LRRC37A2: variants seen among roughly 807,000 people sequenced by gnomAD.
LRRC37A2 encodes leucine-rich repeat-containing protein 37A2.
In LRRC37A2, 9 loss-of-function variants were observed where a neutral mutation model predicts 68.8. The ratio of observed to expected loss-of-function variants is 0.13; its 90% confidence interval spans 0.08 to 0.23. The LOEUF (loss-of-function observed/expected upper bound fraction) is 0.23. Among genes scored for constraint, LRRC37A2 ranks in the 10% least tolerant of loss-of-function variants. The probability of loss-of-function intolerance (pLI) is 1.00; values close to 1 mark genes in which losing one functional copy is unlikely to be tolerated. For missense variants in LRRC37A2, 168 were observed against 950.4 expected, an observed-to-expected ratio of 0.18 and a Z score of 10.82; for synonymous variants, 63 against 367.6, an observed-to-expected ratio of 0.17 and a Z score of 9.48.
the LRRC37A2 span, among the ~76,000 whole-genome samples, chr17:46,880,051 CT>C: frequency 6.6e-6 from 1 of 152,210 alleles, no homozygotes; most frequent in East Asian, 1.9e-4. Flanking sequence ...GGATTTCTGG[CT>C]GCTTTTGCAA....
At chr17:46,746,984 C>T in the LRRC37A2 span, among the ~76,000 whole-genome samples, 4 of 152,102 alleles carry the variant, frequency 2.6e-5, no homozygotes, top group African/African-American at 9.7e-5. Flanking sequence ...ATGCTGGCAA[C>T]GAGGCTTTAT....
the LRRC37A2 span, chr17:46,923,241 C>A: frequency 6.4e-7 from 1 of 1,550,574 alleles, no homozygotes; most frequent in East Asian, 2.4e-5. Context: ...GGTCGGGGAG[C>A]GGGCAGGGGC....
chr17:46,976,153 C>T, the LRRC37A2 span, among the ~76,000 whole-genome samples: 1 of 151,756 alleles, frequency 6.6e-6, no homozygotes, highest in African/African-American at 2.4e-5. Flanking sequence ...GTCTCGATCT[C>T]CTGATCTCGT....
At chr17:46,795,084 A>T in the LRRC37A2 span, among the ~76,000 whole-genome samples, 1 of 152,120 alleles carries the variant, frequency 6.6e-6, no homozygotes, top group Admixed American at 6.5e-5. Flanking sequence ...CCTGGTGGGA[A>T]TTCTTACCTG....
the LRRC37A2 span, among the ~76,000 whole-genome samples, chr17:46,733,953 T>G: frequency 6.6e-6 from 1 of 152,214 alleles, no homozygotes; most frequent in African/African-American, 2.4e-5. Context: ...TTGGAGGACC[T>G]AAGGTGTGGA....
the LRRC37A2 span, chr17:46,762,671 T>C: frequency 2.0e-5 from 3 of 151,822 alleles, no homozygotes; most frequent in East Asian, 5.8e-4. Context: ...ACTTTTTGAA[T>C]ATAAAATCAA....
chr17:46,762,260 AGTT>A, the LRRC37A2 span, among the ~76,000 whole-genome samples: 14 of 152,236 alleles, frequency 9.2e-5, no homozygotes, highest in East Asian at 1.9e-3. Context: ...TTAGTACACA[AGTT>A]GTTGTTTTCT....
At chr17:46,851,425 C>A in the LRRC37A2 span, among the ~76,000 whole-genome samples, 1 of 148,004 alleles carries the variant, frequency 6.8e-6, no homozygotes, top group Non-Finnish European at 1.5e-5. The surrounding 1 kb of genome is among the most constrained non-coding windows in gnomAD (Gnocchi z 4.3). Context: ...GGTCCAGGGG[C>A]GGCTGCCCCA....
At chr17:46,824,347 C>A in the LRRC37A2 span, among the ~76,000 whole-genome samples, 1 of 152,184 alleles carries the variant, frequency 6.6e-6, no homozygotes, top group African/African-American at 2.4e-5. Flanking sequence ...CTCCTGGGTT[C>A]AAGTGATTCT....
At chr17:46,866,554 G>A in the LRRC37A2 span, among the ~76,000 whole-genome samples, 11 of 152,152 alleles carry the variant, frequency 7.2e-5, no homozygotes, top group African/African-American at 2.2e-4. Context: ...CACAAAGGGC[G>A]CACTCACCAT....
the LRRC37A2 span, among the ~76,000 whole-genome samples, chr17:46,869,797 G>A: frequency 6.6e-6 from 1 of 152,056 alleles, no homozygotes; most frequent in Non-Finnish European, 1.5e-5. Flanking sequence ...TCAGGAGTTC[G>A]AAACCAGCCT....
the LRRC37A2 span, among the ~76,000 whole-genome samples, chr17:46,962,328 CAA>C: frequency 2.9e-5 from 4 of 139,346 alleles, no homozygotes; most frequent in Admixed American, 7.2e-5. Context: ...GACTCCATCT[CAA>C]AAAAAAAAAA....
At chr17:46,640,473 GGC>G in the LRRC37A2 span, among the ~76,000 whole-genome samples, 13 of 89,430 alleles carry the variant, frequency 1.5e-4, 2 homozygotes, top group African/African-American at 5.3e-4. Flanking sequence ...ATGGAAATAA[GGC>G]ATGTAAGAAT....
chr17:46,866,272 A>T, the LRRC37A2 span, among the ~76,000 whole-genome samples: 2 of 152,186 alleles, frequency 1.3e-5, no homozygotes, highest in Non-Finnish European at 2.9e-5. Context: ...TTACTGGGCC[A>T]GGCACTGCCC....
At chr17:46,931,374 C>T in the LRRC37A2 span, 1 of 644,146 alleles carries the variant, frequency 1.6e-6, no homozygotes, top group Non-Finnish European at 2.8e-6. Flanking sequence ...CTGAGTGATG[C>T]CGCTCAAAAT....
the LRRC37A2 span, among the ~76,000 whole-genome samples, chr17:46,944,444 G>T: frequency 6.6e-6 from 1 of 152,092 alleles, no homozygotes; most frequent in African/African-American, 2.4e-5. Flanking sequence ...CCCGAGTCAC[G>T]TAGTGCTTTT....
the LRRC37A2 span, among the ~76,000 whole-genome samples, chr17:46,960,319 A>C: frequency 6.6e-6 from 1 of 152,254 alleles, no homozygotes; most frequent in Non-Finnish European, 1.5e-5. Context: ...CTTGGCATAC[A>C]TACAAACAAA....
chr17:47,006,977 G>A, the LRRC37A2 span, among the ~76,000 whole-genome samples: 1 of 152,082 alleles, frequency 6.6e-6, no homozygotes, highest in Admixed American at 6.5e-5. Flanking sequence ...TCTTGTTTTT[G>A]TGCTCCTATT....
At chr17:46,898,621 T>C in the LRRC37A2 span, among the ~76,000 whole-genome samples, 2 of 152,180 alleles carry the variant, frequency 1.3e-5, no homozygotes, top group Non-Finnish European at 2.9e-5. Context: ...AAGCAGAGGA[T>C]GAGGAACGAC....
Sources: allele counts gnomAD v4.1 joint callset (sites outside exome capture counted in the v4.1 genomes callset), GRCh38; gene constraint gnomAD v4.1.1; non-coding constraint Gnocchi (gnomAD v3.1); transcripts MANE v1.5; gene names NCBI Gene and HGNC (gene_info 2026-07-23, HGNC 2026-07-21).